Variants in PHF21A observed in about 807,000 individuals in gnomAD.
PHF21A encodes the protein PHD finger protein 21A, also known as BHC80a.
PHF21A carries 11 observed loss-of-function variants against 82.5 expected under a neutral mutation model. That is an observed-to-expected ratio of 0.13 (90% CI 0.08 to 0.22). The LOEUF (loss-of-function observed/expected upper bound fraction) is 0.22. PHF21A is among the 10% of genes least tolerant of loss of function. The pLI, the probability that PHF21A is intolerant of heterozygous loss-of-function variation, is 1.00. For synonymous variants in PHF21A, 297 were observed against 302.8 expected (o/e 0.98, Z 0.20); for missense variants, 579 against 837.8 (o/e 0.69, Z 3.81).
At chr11:46,056,788 G>A (rs1353663697) in intron 6 of PHF21A, among the ~76,000 whole-genome samples, 1 of 152,084 alleles carries the variant, frequency 6.6e-6, no homozygotes, top group African/African-American at 2.4e-5. Flanking sequence ...ATTAGCTATA[G>A]AATCCTTGTG....
At chr11:46,110,740 T>C (rs1262998670) in intron 1 of PHF21A, among the ~76,000 whole-genome samples, 5 of 152,180 alleles carry the variant, frequency 3.3e-5, no homozygotes, top group Non-Finnish European at 4.4e-5. Context: ...TCCATACATT[T>C]TGGACACATC....
At chr11:45,995,775 A>G (rs1375131143) in intron 6 of PHF21A, among the ~76,000 whole-genome samples, 1 of 152,226 alleles carries the variant, frequency 6.6e-6, no homozygotes, top group African/African-American at 2.4e-5. Flanking sequence ...CAGCTCAATT[A>G]TACATGTGTA....
intron 6 of PHF21A, among the ~76,000 whole-genome samples, 191 bp from the exon 7 acceptor site, chr11:45,980,157 G>A (rs1205740200): frequency 6.6e-6 from 1 of 152,126 alleles, no homozygotes; most frequent in South Asian, 2.1e-4. Flanking sequence ...AACTGATGGT[G>A]TAAGAAATGT....
At chr11:46,084,535 TA>T (rs1409006618) in intron 3 of PHF21A, among the ~76,000 whole-genome samples, 2 of 152,080 alleles carry the variant, frequency 1.3e-5, no homozygotes, top group Non-Finnish European at 2.9e-5. Flanking sequence ...TGGAAACATC[TA>T]AGCACCCACT....
At chr11:45,976,538 G>A (rs961261244) in intron 7 of PHF21A, among the ~76,000 whole-genome samples, 1 of 152,168 alleles carries the variant, frequency 6.6e-6, no homozygotes, top group Admixed American at 6.5e-5. Flanking sequence ...TAGATTGGTA[G>A]TACCAATAAA....
At chr11:45,997,629 C>G (rs1014549566) in intron 6 of PHF21A, among the ~76,000 whole-genome samples, 1 of 152,174 alleles carries the variant, frequency 6.6e-6, no homozygotes, top group Admixed American at 6.5e-5. Context: ...TGTTTTGCAG[C>G]CTTAAAAGTG....
intron 6 of PHF21A, among the ~76,000 whole-genome samples, chr11:46,052,311 A>C (rs1372562207): frequency 3.3e-5 from 5 of 152,208 alleles, no homozygotes; most frequent in Non-Finnish European, 5.9e-5. Context: ...AAGAGGGAGA[A>C]AGTGTCCTGA....
At chr11:46,000,442 A>G (rs554674878) in intron 6 of PHF21A, among the ~76,000 whole-genome samples, 3 of 152,324 alleles carry the variant, frequency 2.0e-5, no homozygotes, top group African/African-American at 7.2e-5. Context: ...ATGGGACTAA[A>G]GACAAGTACA....
chr11:45,962,513 G>A (rs2093157848), intron 10 of PHF21A, among the ~76,000 whole-genome samples: 1 of 152,030 alleles, frequency 6.6e-6, no homozygotes, highest in Non-Finnish European at 1.5e-5. Context: ...TGCTGATCGG[G>A]CTCGGTAACC....
chr11:46,061,202 A>G (rs1298614527), intron 6 of PHF21A, among the ~76,000 whole-genome samples: 1 of 152,170 alleles, frequency 6.6e-6, no homozygotes, highest in African/African-American at 2.4e-5. Flanking sequence ...TGTTTTGGTC[A>G]CTGTGACCCT....
intron 6 of PHF21A, among the ~76,000 whole-genome samples, chr11:45,986,566 T>C (rs1027434452): frequency 6.6e-6 from 1 of 152,204 alleles, no homozygotes; most frequent in Non-Finnish European, 1.5e-5. Flanking sequence ...GTAATATATT[T>C]ATGTGTGATA....
At chr11:46,004,169 A>T (rs2095231841) in intron 6 of PHF21A, among the ~76,000 whole-genome samples, 1 of 152,174 alleles carries the variant, frequency 6.6e-6, no homozygotes, top group African/African-American at 2.4e-5. Context: ...AAATGTTTAA[A>T]TTTATTTTCC....
At chr11:45,953,681 A>C in intron 10 of PHF21A, 56 bp from the exon 11 acceptor site, 3 of 1,071,540 alleles carry the variant, frequency 2.8e-6, no homozygotes, top group Non-Finnish European at 4.2e-6. Context: ...AAAAGGATGA[A>C]GCAATCAGAA....
intron 6 of PHF21A, among the ~76,000 whole-genome samples, 160 bp from the exon 7 acceptor site, chr11:45,980,126 T>C (rs1411559256): frequency 6.6e-6 from 1 of 152,222 alleles, no homozygotes; most frequent in East Asian, 1.9e-4. Flanking sequence ...AAGCATTTAA[T>C]ATACATTATT....
chr11:45,961,650 A>T (rs565870107), intron 10 of PHF21A, among the ~76,000 whole-genome samples: 1 of 151,758 alleles, frequency 6.6e-6, no homozygotes, highest in Non-Finnish European at 1.5e-5. Flanking sequence ...TGTTACATAG[A>T]AGTCTTTGTT....
At chr11:45,951,544 T>C (rs549467773) in intron 11 of PHF21A, among the ~76,000 whole-genome samples, 3 of 152,366 alleles carry the variant, frequency 2.0e-5, no homozygotes, top group East Asian at 1.9e-4. Context: ...AAACTGTATG[T>C]TGAAATGACA....
At chr11:46,118,040 C>G (rs1482945876) in intron 1 of PHF21A, 1 of 152,134 alleles carries the variant, frequency 6.6e-6, no homozygotes, top group East Asian at 1.9e-4. Flanking sequence ...GCTGTAGCAC[C>G]TCCTGCTGGA....
intron 10 of PHF21A, among the ~76,000 whole-genome samples, chr11:45,960,711 G>T (rs1053159444): frequency 6.6e-6 from 1 of 152,006 alleles, no homozygotes; most frequent in Non-Finnish European, 1.5e-5. Flanking sequence ...AAAAAAAATT[G>T]GATTTAGAAA....
chr11:45,988,029 TAC>T (rs2094555734), intron 6 of PHF21A, among the ~76,000 whole-genome samples: 2 of 152,128 alleles, frequency 1.3e-5, no homozygotes, highest in Non-Finnish European at 2.9e-5. Context: ...ACAATTTAAG[TAC>T]AGTGATGATG....
Sources: allele counts gnomAD v4.1 joint callset (sites outside exome capture counted in the v4.1 genomes callset), GRCh38; gene constraint gnomAD v4.1.1; transcripts MANE v1.5; gene names NCBI Gene and HGNC (gene_info 2026-07-23, HGNC 2026-07-21).